The following PCDHA2 variants were observed in gnomAD, a reference collection of about 807,000 sequenced individuals.
The protein encoded by PCDHA2 is protocadherin alpha 2.
In PCDHA2, 58 loss-of-function variants were observed where a neutral mutation model predicts 66.0. The observed-to-expected ratio is 0.88, with a 90% CI of 0.71 to 1.09. The LOEUF (loss-of-function observed/expected upper bound fraction) is 1.09, where lower values mean the gene tolerates loss of function less well. Ranked by LOEUF, PCDHA2 falls within the 50% of genes least tolerant of loss-of-function variation. The probability of loss-of-function intolerance (pLI) is 0.00; values close to 1 mark genes in which losing one functional copy is unlikely to be tolerated. For synonymous variants in PCDHA2, 634 were observed against 554.0 expected (o/e 1.14, Z -2.03); for missense variants, 1,267 against 1,242.3 (o/e 1.02, Z -0.30).
chr5:140,953,873 A>G (rs537538688), intron 1 of PCDHA2, among the ~76,000 whole-genome samples: 53 of 152,258 alleles, frequency 3.5e-4, no homozygotes, highest in African/African-American at 1.3e-3. Context: ...TGCTGCACAG[A>G]TCAACCCATC....
intron 1 of PCDHA2, among the ~76,000 whole-genome samples, chr5:140,898,007 A>G (rs1477147548): frequency 2.3e-4 from 35 of 152,100 alleles, no homozygotes; most frequent in African/African-American, 8.5e-4. Context: ...GTGTCTGTTC[A>G]TATCCTTTGC....
chr5:140,876,473 G>A, intron 1 of PCDHA2: 1 of 1,614,038 alleles, frequency 6.2e-7, no homozygotes, highest in South Asian at 1.1e-5. Context: ...GCAGGTCACA[G>A]CATGGTCCTG....
At chr5:140,868,930 G>A (rs966807738) in intron 1 of PCDHA2, 6 of 1,085,506 alleles carry the variant, frequency 5.5e-6, no homozygotes, top group East Asian at 5.1e-5. Context: ...TTCATTTAAA[G>A]GTTGGTCTGA....
Position 140,795,123 on chromosome 5 carries a change from G to A in PCDHA2, c.159G>A (p.Gly53=), listed in dbSNP as rs1761918883. The A allele has an allele frequency of 1.2e-6, 2 of 1,614,014 alleles. No individual in the cohort carries two copies. The highest frequency in any genetic ancestry group is 1.3e-5 in the African/African-American group (1 of 75,058). The change falls in exon 1 of 4, where the codon GGG becomes GGA. Residue 53 remains glycine, a synonymous_variant. Coordinates refer to ENST00000526136, the MANE Select transcript of PCDHA2 (RefSeq NM_018905.3). ...TFVGRIAQDL[G]LELEELVPRL... is the part of the protein sequence containing the mutation. ...TGGGCCGCATCGCGCAGGACCTGGG[G>A]CTGGAGCTGGAGGAGCTGGTGCCGC... is the stretch of plus-strand genomic sequence containing the variant.
intron 1 of PCDHA2, among the ~76,000 whole-genome samples, chr5:140,951,145 TG>T (rs1554219754): frequency 9.9e-6 from 1 of 100,698 alleles, no homozygotes; most frequent in African/African-American, 4.8e-5. Flanking sequence ...TTTATCTTAT[TG>T]AATATAGTTA....
chr5:140,843,779 T>A, intron 1 of PCDHA2: 1 of 1,431,270 alleles, frequency 7.0e-7, no homozygotes, highest in African/African-American at 1.4e-5. Flanking sequence ...ACTTTAAAAG[T>A]GTTTCAGATT....
At chr5:140,906,057 C>A (rs558964545) in intron 1 of PCDHA2, among the ~76,000 whole-genome samples, 7 of 152,326 alleles carry the variant, frequency 4.6e-5, no homozygotes, top group Admixed American at 2.0e-4. Context: ...GCTGCACTGG[C>A]AGCTGATTAG....
intron 1 of PCDHA2, chr5:140,807,884 C>G (rs782074587): frequency 6.2e-7 from 1 of 1,614,068 alleles, no homozygotes; most frequent in Non-Finnish European, 8.5e-7. Context: ...CATCACAGTA[C>G]TGGATGCCAA....
At chr5:140,836,250 C>T (rs1554135772) in intron 1 of PCDHA2, 18 of 1,613,676 alleles carry the variant, frequency 1.1e-5, no homozygotes, top group Non-Finnish European at 1.4e-5. Context: ...CATCCCGTTC[C>T]GCGTGGGGCT....
intron 1 of PCDHA2, among the ~76,000 whole-genome samples, chr5:140,962,851 C>T (rs2095713637): frequency 1.3e-5 from 2 of 152,114 alleles, no homozygotes; most frequent in South Asian, 4.1e-4. Flanking sequence ...ATAACTTGTG[C>T]TCGGTTTGTA....
intron 1 of PCDHA2, chr5:140,875,945 CT>C (rs782069405): frequency 6.2e-7 from 1 of 1,614,144 alleles, no homozygotes; most frequent in South Asian, 1.1e-5. Flanking sequence ...GAGGGCGCTT[CT>C]GATGCGGATA....
At chr5:140,828,657 A>C in intron 1 of PCDHA2, 1 of 1,614,208 alleles carries the variant, frequency 6.2e-7, no homozygotes, top group Non-Finnish European at 8.5e-7. Context: ...AGTGATGACA[A>C]TAAACAAATT....
At position 140,967,486 on chromosome 5, in the gene PCDHA2, G is replaced by A. The variant is rs782309199; in HGVS notation, c.2389-11463G>A. The A allele has an allele frequency of 2.5e-6, 4 of 1,612,986 alleles. No individual in the cohort carries two copies. The African/African-American group carries it at 4.0e-5, about 16-fold the overall frequency. ...GGGGCATCCCAGCCCGCTCGGGTAC[G>A]GCACAGATCTCTGTGCGTGTCCTGG... On this transcript the variant is annotated intron_variant, in intron 1 of 3. Coordinates refer to ENST00000526136, the MANE Select transcript of PCDHA2 (RefSeq NM_018905.3).
At chr5:140,875,262 C>T (rs2055382922) in intron 1 of PCDHA2, 1 of 1,157,372 alleles carries the variant, frequency 8.6e-7, no homozygotes, top group Admixed American at 3.0e-5. Flanking sequence ...CATGATGTCG[C>T]TCTACACTCA....
At chr5:140,826,384 G>T (rs1040269043) in intron 1 of PCDHA2, among the ~76,000 whole-genome samples, 1 of 152,088 alleles carries the variant, frequency 6.6e-6, no homozygotes, top group Non-Finnish European at 1.5e-5. Context: ...TCAGTGATAA[G>T]AACTACTAAA....
intron 1 of PCDHA2, among the ~76,000 whole-genome samples, chr5:140,855,209 T>C (rs951600231): frequency 6.7e-6 from 1 of 149,880 alleles, no homozygotes; most frequent in Non-Finnish European, 1.5e-5. Flanking sequence ...TAGTTTCCAT[T>C]TATGAAGCAC....
Position 140,816,832 on chromosome 5 carries a change from G to C in PCDHA2, c.2388+19480G>C, listed in dbSNP as rs1018228008. 1.3e-5 allele frequency: 2 copies of C among 151,804 alleles called. 1 individual carries two copies. The highest frequency in any genetic ancestry group is 3.9e-4 in the East Asian group (2 of 5,176). The allele number at this position is 151,804 out of a possible 1,614,324, so 9.4% of individuals were successfully genotyped here. A position where few individuals can be genotyped will look rare whatever the true frequency, so the allele number is the denominator to read the frequency against. Reference sequence around the variant, plus strand: ...ATGCTCTAATCTTTTTCCCTCTGTGGTGTCTGTGTGCTGTACTGTGGGCCC... The same window carrying C: ...ATGCTCTAATCTTTTTCCCTCTGTGCTGTCTGTGTGCTGTACTGTGGGCCC... On this transcript the variant is annotated intron_variant, in intron 1 of 3. Coordinates refer to ENST00000526136, the MANE Select transcript of PCDHA2 (RefSeq NM_018905.3).
At chr5:140,818,759 G>A (rs2150102311) in intron 1 of PCDHA2, among the ~76,000 whole-genome samples, 65 of 152,296 alleles carry the variant, frequency 4.3e-4, no homozygotes, top group Non-Finnish European at 5.6e-4. Context: ...GATGGCTTGA[G>A]CCTGAGGCTG....
chr5:140,881,310 G>A (rs782291557), intron 1 of PCDHA2: 31 of 977,830 alleles, frequency 3.2e-5, no homozygotes, highest in Non-Finnish European at 3.6e-5. Flanking sequence ...TAACCTCCTG[G>A]TTAAATTCTA....
Sources: allele counts gnomAD v4.1 joint callset (sites outside exome capture counted in the v4.1 genomes callset), GRCh38; gene constraint gnomAD v4.1.1; transcripts MANE v1.5; gene names NCBI Gene and HGNC (gene_info 2026-07-23, HGNC 2026-07-21).